The following PLCH1 variants were observed in gnomAD, a reference collection of about 807,000 sequenced individuals.
PLCH1 encodes the protein 1-phosphatidylinositol 4,5-bisphosphate phosphodiesterase eta-1.
Under a neutral mutation model 126.7 loss-of-function variants are expected in PLCH1, and 60 were observed. The ratio of observed to expected loss-of-function variants is 0.47; its 90% CI spans 0.38 to 0.59. PLCH1 has a LOEUF of 0.59. Ranked by LOEUF, PLCH1 falls within the 20% of genes least tolerant of loss-of-function variation. The pLI, the probability that PLCH1 is intolerant of heterozygous loss-of-function variation, is 0.00. For missense variants in PLCH1, 1,723 were observed against 2,040.0 expected (o/e 0.84, Z 2.99); for synonymous variants, 719 against 734.9 (o/e 0.98, Z 0.35).
downstream of PLCH1, among the ~76,000 whole-genome samples, chr3:155,475,992 C>A (rs966242604): frequency 3.3e-5 from 5 of 151,998 alleles, no homozygotes; most frequent in South Asian, 2.1e-4. Context: ...GACACAAAAA[C>A]CAGAAAAAGA....
intron 2 of PLCH1, among the ~76,000 whole-genome samples, chr3:155,630,830 T>C (rs189843150): frequency 3.7e-4 from 57 of 152,250 alleles, no homozygotes; most frequent in Admixed American, 3.5e-3. Context: ...TACAAATAAA[T>C]ACAGTTTTTA....
At chr3:155,474,940 G>T (rs1222878765), downstream of PLCH1, among the ~76,000 whole-genome samples, 3 of 110,680 alleles carry the variant, frequency 2.7e-5, no homozygotes, top group Non-Finnish European at 3.6e-5. Flanking sequence ...GGTGGGGGGA[G>T]GGGGGAGGGA....
Position 155,485,655 on chromosome 3 carries a change from G to A in PLCH1, c.2675C>T (p.Ser892Phe), listed in dbSNP as rs760712605. 6.2e-6 allele frequency: 10 copies of A among 1,608,626 alleles called. No individual in the cohort carries two copies. Among genetic ancestry groups the A allele is most frequent in the Non-Finnish European group, 8.5e-6 (10 of 1,179,962 alleles). ...GLFNKNPRHS[S>F]SENNSHYVRK... Reference sequence around the variant, plus strand: ...TACATAATGGGAATTGTTTTCTGAAGAACTGTGCCTAGGATTCTTATTGAA... The same window carrying A: ...TACATAATGGGAATTGTTTTCTGAAAAACTGTGCCTAGGATTCTTATTGAA... Residue 892 changes from serine to phenylalanine, a missense_variant, in exon 22 of 23, where the codon TCT (serine) becomes TTT (phenylalanine). Physicochemically the swap from Ser to Phe is radical, Grantham distance 155 (BLOSUM62 -2). Around this residue, in one of 2 missense-constraint regions of PLCH1, gnomAD observed 947 missense variants for 977.1 expected, o/e 0.97. Coordinates refer to ENST00000460012, the MANE Select transcript of PLCH1 (RefSeq NM_014996.4).
chr3:155,707,783 A>G (rs1033750252), intron 1 of PLCH1, among the ~76,000 whole-genome samples: 8 of 152,176 alleles, frequency 5.3e-5, no homozygotes, highest in African/African-American at 1.7e-4. Context: ...CTCTCAGAGG[A>G]TGATCATCCA....
chr3:155,715,501 C>T (rs982233788), intron 1 of PLCH1, among the ~76,000 whole-genome samples: 6 of 151,662 alleles, frequency 4.0e-5, no homozygotes, highest in Non-Finnish European at 7.4e-5. Context: ...GACAGGATTT[C>T]GTCAGGTTGC....
intron 21 of PLCH1, among the ~76,000 whole-genome samples, chr3:155,459,653 G>A (rs1712637712): frequency 6.6e-6 from 1 of 152,094 alleles, no homozygotes; most frequent in African/African-American, 2.4e-5. Context: ...TTTCCAGGAG[G>A]GCCTGAGTAC....
At chr3:155,708,998 C>G (rs1245807732) in intron 1 of PLCH1, among the ~76,000 whole-genome samples, 1 of 152,144 alleles carries the variant, frequency 6.6e-6, no homozygotes, top group South Asian at 2.1e-4. Flanking sequence ...TATAGTTTTG[C>G]CTTTTCCGGG....
At chr3:155,551,651 T>C (rs2108457197) in intron 9 of PLCH1, among the ~76,000 whole-genome samples, 1 of 143,872 alleles carries the variant, frequency 7.0e-6, no homozygotes, top group Admixed American at 7.0e-5. Flanking sequence ...GGATGTTGCT[T>C]TCCACCCTAC....
chr3:155,686,543 C>A (rs1744961839), intron 2 of PLCH1, among the ~76,000 whole-genome samples: 1 of 152,138 alleles, frequency 6.6e-6, no homozygotes, highest in African/African-American at 2.4e-5. Flanking sequence ...GTAGGTACCT[C>A]ACAATGCACC....
intron 2 of PLCH1, among the ~76,000 whole-genome samples, chr3:155,671,286 T>C (rs1187964825): frequency 6.6e-6 from 1 of 152,216 alleles, no homozygotes; most frequent in Admixed American, 6.5e-5. Context: ...TTGCCAAAAT[T>C]AGTAGTAGGT....
At chr3:155,554,903 A>G (rs556220012) in intron 8 of PLCH1, among the ~76,000 whole-genome samples, 1 of 152,240 alleles carries the variant, frequency 6.6e-6, no homozygotes, top group Non-Finnish European at 1.5e-5. Context: ...TATGATTGTT[A>G]TTGATACTAT....
At chr3:155,469,715 G>A (rs1344231115) in intron 21 of PLCH1, among the ~76,000 whole-genome samples, 6 of 151,608 alleles carry the variant, frequency 4.0e-5, no homozygotes, top group South Asian at 2.1e-4. Context: ...CTCCCAGCAC[G>A]CAGCTGGAGA....
chr3:155,508,632 C>T (rs1420088078), intron 12 of PLCH1, among the ~76,000 whole-genome samples: 19 of 127,258 alleles, frequency 1.5e-4, no homozygotes, highest in East Asian at 9.0e-4. Flanking sequence ...TTGTCTTTGG[C>T]TCTGTTTATA....
intron 9 of PLCH1, 115 bp downstream of exon 9, chr3:155,553,961 G>C: frequency 1.1e-6 from 1 of 876,008 alleles, no homozygotes; most frequent in Non-Finnish European, 1.7e-6. Flanking sequence ...AACTAGTCTA[G>C]CAAAGAGGGC....
intron 2 of PLCH1, among the ~76,000 whole-genome samples, chr3:155,666,248 G>T: frequency 6.6e-6 from 1 of 152,184 alleles, no homozygotes; most frequent in South Asian, 2.1e-4. Context: ...CCCACTAGTG[G>T]TGTATAAAAG....
At chr3:155,676,860 T>A (rs1242608917) in intron 2 of PLCH1, among the ~76,000 whole-genome samples, 1 of 152,142 alleles carries the variant, frequency 6.6e-6, no homozygotes, top group Non-Finnish European at 1.5e-5. Flanking sequence ...ATCACATGCC[T>A]GTGGACGTGG....
intron 2 of PLCH1, among the ~76,000 whole-genome samples, chr3:155,626,768 C>CAAAAAAAAA (rs71155058): frequency 2.6e-4 from 13 of 49,648 alleles, no homozygotes; most frequent in Non-Finnish European, 3.2e-4. Context: ...GACTCCGTCT[C>CAAAAAAAAA]AAAAAAAAAA....
chr3:155,732,694 G>A (rs1748859920), intron 1 of PLCH1, among the ~76,000 whole-genome samples: 1 of 151,784 alleles, frequency 6.6e-6, no homozygotes, highest in Non-Finnish European at 1.5e-5. Flanking sequence ...CCTAGCCAAA[G>A]TAATGAAACC....
intron 2 of PLCH1, among the ~76,000 whole-genome samples, chr3:155,685,197 CA>C (rs1318279576): frequency 2.6e-5 from 4 of 152,122 alleles, no homozygotes; most frequent in Non-Finnish European, 4.4e-5. Context: ...CAAAGGATAA[CA>C]GAGGGACTCC....
Sources: gnomAD v4.1 joint callset for allele counts (sites outside exome capture counted in the v4.1 genomes callset) on GRCh38, gnomAD v4.1.1 for gene constraint, gnomAD v4.1.1 regional missense constraint, MANE v1.5 for transcripts, NCBI Gene and HGNC (gene_info 2026-07-23, HGNC 2026-07-21) for gene names.